The following NBAS variants were observed in gnomAD, a reference collection of about 807,000 sequenced individuals.
NBAS encodes NBAS subunit of NRZ tethering complex, also known as NAG/BC035112 fusion.
NBAS carries 219 observed loss-of-function variants against 302.5 expected under a neutral mutation model. The ratio of observed to expected loss-of-function variants is 0.72; its 90% CI spans 0.65 to 0.81. NBAS has a LOEUF of 0.81. Among genes scored for constraint, NBAS ranks in the 30% least tolerant of loss-of-function variants. NBAS has a pLI of 0.00. For synonymous variants in NBAS, 1,118 were observed against 1,021.6 expected, an observed-to-expected ratio of 1.09 and a Z score of -1.80; for missense variants, 2,932 against 2,841.6, an observed-to-expected ratio of 1.03 and a Z score of -0.72.
the NBAS span, among the ~76,000 whole-genome samples, chr2:15,102,287 C>A: frequency 3.3e-5 from 5 of 152,134 alleles, no homozygotes; most frequent in Non-Finnish European, 5.9e-5. Context: ...AGTTGAATGG[C>A]TGGGACTATT....
At chr2:15,536,377 T>G in intron 8 of NBAS, 41 bp downstream of exon 8, 1 of 1,592,102 alleles carries the variant, frequency 6.3e-7, no homozygotes, top group Non-Finnish European at 8.6e-7. Context: ...ACCAGAGAAA[T>G]AAACATTATT....
At chr2:15,535,262 C>T (rs987352466) in intron 8 of NBAS, among the ~76,000 whole-genome samples, 1 of 152,216 alleles carries the variant, frequency 6.6e-6, no homozygotes, top group African/African-American at 2.4e-5. Flanking sequence ...TGGCTCACGC[C>T]TGTTATCCCA....
At chr2:14,841,481 C>T in the NBAS span, among the ~76,000 whole-genome samples, 2 of 130,918 alleles carry the variant, frequency 1.5e-5, no homozygotes, top group African/African-American at 6.2e-5. Flanking sequence ...TAGAAAAAAA[C>T]ATTCCATGCA....
At chr2:14,834,673 G>A in the NBAS span, among the ~76,000 whole-genome samples, 3 of 152,068 alleles carry the variant, frequency 2.0e-5, no homozygotes. Flanking sequence ...GGTAGGAGAG[G>A]GGGGAAGTGG....
chr2:14,972,462 G>A, the NBAS span, among the ~76,000 whole-genome samples: 2 of 152,072 alleles, frequency 1.3e-5, no homozygotes, highest in African/African-American at 2.4e-5. Context: ...GTCAATCAAC[G>A]TTTGTCAAAT....
chr2:15,537,586 C>A (rs1663580048), intron 7 of NBAS, among the ~76,000 whole-genome samples: 1 of 152,140 alleles, frequency 6.6e-6, no homozygotes, highest in South Asian at 2.1e-4. Flanking sequence ...AAGACCCAGC[C>A]TGGACAGCAA....
chr2:15,086,664 C>G, the NBAS span, among the ~76,000 whole-genome samples: 2 of 152,174 alleles, frequency 1.3e-5, no homozygotes, highest in African/African-American at 4.8e-5. Flanking sequence ...GCTGAGGAAG[C>G]TGCTTGCAGT....
At chr2:15,060,984 G>A in the NBAS span, among the ~76,000 whole-genome samples, 1 of 151,596 alleles carries the variant, frequency 6.6e-6, no homozygotes, top group Non-Finnish European at 1.5e-5. Flanking sequence ...CAATTATTCT[G>A]TAACACGTGT....
At chr2:15,554,008 G>T in intron 4 of NBAS, 53 bp downstream of exon 4, 2 of 1,478,702 alleles carry the variant, frequency 1.4e-6, no homozygotes, top group Non-Finnish European at 1.9e-6. Context: ...CGTCCATAAT[G>T]AAATGTAAAA....
chr2:14,851,086 G>C, the NBAS span, among the ~76,000 whole-genome samples: 3 of 126,228 alleles, frequency 2.4e-5, no homozygotes, highest in Non-Finnish European at 4.7e-5. Context: ...AATCAGAGCA[G>C]AACTGAAGGA....
At chr2:15,181,021 T>C (rs1372455484) in intron 50 of NBAS, among the ~76,000 whole-genome samples, 2 of 152,224 alleles carry the variant, frequency 1.3e-5, no homozygotes, top group African/African-American at 4.8e-5. Context: ...TCCCACCTTA[T>C]CTTTTATCTT....
intron 9 of NBAS, among the ~76,000 whole-genome samples, chr2:15,522,930 TAA>T (rs1662745398): frequency 1.3e-5 from 2 of 152,200 alleles, no homozygotes; most frequent in Non-Finnish European, 2.9e-5. Context: ...AGAAAAATCA[TAA>T]GACTAAATAC....
chr2:14,843,577 C>T, the NBAS span, among the ~76,000 whole-genome samples: 11 of 139,358 alleles, frequency 7.9e-5, no homozygotes, highest in Non-Finnish European at 1.2e-4. Context: ...CACACACACA[C>T]ACACAAAAAT....
chr2:14,974,342 G>A, the NBAS span, among the ~76,000 whole-genome samples: 1 of 152,220 alleles, frequency 6.6e-6, no homozygotes, highest in Non-Finnish European at 1.5e-5. Context: ...GAGAAAGGTG[G>A]AGCAGGTATA....
chr2:15,282,926 T>C (rs984843741), intron 42 of NBAS, among the ~76,000 whole-genome samples: 9 of 152,156 alleles, frequency 5.9e-5, no homozygotes, highest in African/African-American at 2.2e-4. Flanking sequence ...TCCTCTTCAA[T>C]AGTCAGCTCT....
chr2:14,830,887 T>A, the NBAS span, among the ~76,000 whole-genome samples: 2 of 152,210 alleles, frequency 1.3e-5, no homozygotes, highest in Non-Finnish European at 2.9e-5. Flanking sequence ...GTTTGCCCAT[T>A]TCTGTGGTAT....
At chr2:14,954,488 G>A in the NBAS span, among the ~76,000 whole-genome samples, 4 of 152,164 alleles carry the variant, frequency 2.6e-5, no homozygotes, top group Non-Finnish European at 5.9e-5. Context: ...AGCATCCCTT[G>A]TTAGTGAGAA....
chr2:15,452,572 A>C (rs1679074940), intron 21 of NBAS, among the ~76,000 whole-genome samples: 1 of 151,060 alleles, frequency 6.6e-6, no homozygotes. Context: ...TGGGCAACAC[A>C]GAGAGACTCT....
chr2:15,261,653 C>T (rs1668858221), intron 44 of NBAS, among the ~76,000 whole-genome samples: 1 of 152,132 alleles, frequency 6.6e-6, no homozygotes, highest in South Asian at 2.1e-4. Flanking sequence ...AGCAATGATA[C>T]AAGCTAATAC....
Sources: allele counts gnomAD v4.1 joint callset (sites outside exome capture counted in the v4.1 genomes callset), GRCh38; gene constraint gnomAD v4.1.1; transcripts MANE v1.5; gene names NCBI Gene and HGNC (gene_info 2026-07-23, HGNC 2026-07-21).